IL5RA: variants seen among roughly 807,000 people sequenced by gnomAD.
IL5RA encodes the protein interleukin-5 receptor subunit alpha.
Under a neutral mutation model 50.0 loss-of-function variants are expected in IL5RA, and 49 were observed. The observed-to-expected ratio is 0.98, with a 90% CI of 0.78 to 1.24. The LOEUF (loss-of-function observed/expected upper bound fraction) is 1.24. Ranked by LOEUF, IL5RA falls within the 50% of genes most tolerant of loss-of-function variation. The pLI, the probability that IL5RA is intolerant of heterozygous loss-of-function variation, is 0.00. For synonymous variants in IL5RA, 202 were observed against 174.0 expected, an observed-to-expected ratio of 1.16 and a Z score of -1.26; for missense variants, 600 against 500.4, an observed-to-expected ratio of 1.20 and a Z score of -1.90.
chr3:3,074,271 T>C (rs1389596893), intron 11 of IL5RA, among the ~76,000 whole-genome samples: 2 of 152,198 alleles, frequency 1.3e-5, no homozygotes, highest in African/African-American at 4.8e-5. Context: ...TCTTAAAACA[T>C]TAGAGCTAAG....
chr3:3,094,687 G>A (rs997917905), intron 8 of IL5RA, among the ~76,000 whole-genome samples: 25 of 152,016 alleles, frequency 1.6e-4, no homozygotes, highest in African/African-American at 5.6e-4. Context: ...TCATCATATC[G>A]TTTTTATAGT....
At position 3,070,244 on chromosome 3, in the gene IL5RA, A is replaced by G; in HGVS notation, c.1244T>C (p.Leu415Pro). 1 of 1,612,250 alleles carries G rather than the reference A, an allele frequency of 6.2e-7. No homozygotes were observed. The highest frequency in any genetic ancestry group is 2.2e-5 in the East Asian group (1 of 44,836). ...CYIEKPGVET[L>P]EDSVF ...TGACAGTCAAAACACAGAATCCTCC[A>G]GGGTCTCAACTCCAGGCTTCTCTAT... The change falls in exon 12 of 12, where the codon CTG (leucine) becomes CCG (proline). Residue 415 changes from leucine to proline, a missense_variant. Transcript: ENST00000446632.
At chr3:3,101,905 AT>A (rs1186144997) in intron 4 of IL5RA, 75 bp from the exon 5 acceptor site, 2 of 1,315,606 alleles carry the variant, frequency 1.5e-6, no homozygotes, top group South Asian at 1.4e-5. Context: ...TCAAATATGC[AT>A]TTTCTTCTAC....
At chr3:3,106,303 T>C (rs973108046) in intron 2 of IL5RA, among the ~76,000 whole-genome samples, 1 of 152,302 alleles carries the variant, frequency 6.6e-6, no homozygotes, top group South Asian at 2.1e-4. Context: ...CTGGGCTAAA[T>C]GAATACCTCC....
At chr3:3,090,207 T>G (rs753985035) in intron 9 of IL5RA, 1 of 1,611,414 alleles carries the variant, frequency 6.2e-7, no homozygotes, top group Non-Finnish European at 8.5e-7. Context: ...TTATTTCAGA[T>G]ACGGTGTGGG....
chr3:3,096,289 A>AAAGAAGAAGAAG (rs5846242), intron 7 of IL5RA, among the ~76,000 whole-genome samples: 29 of 141,350 alleles, frequency 2.1e-4, no homozygotes, highest in African/African-American at 7.1e-4. Context: ...AAAAAAAAAA[A>AAAGAAGAAGAAG]AAGAAGAAGA....
intron 9 of IL5RA, among the ~76,000 whole-genome samples, chr3:3,083,797 C>T (rs1322846160): frequency 6.6e-6 from 1 of 152,158 alleles, no homozygotes; most frequent in Non-Finnish European, 1.5e-5. Flanking sequence ...GCCTGCAATC[C>T]CAGCACTTTG....
intron 9 of IL5RA, among the ~76,000 whole-genome samples, chr3:3,088,559 A>G (rs1418337149): frequency 6.6e-6 from 1 of 152,222 alleles, no homozygotes; most frequent in African/African-American, 2.4e-5. Flanking sequence ...ATGTTGGCAG[A>G]GCCGTAGCTA....
At chr3:3,074,250 G>GATAAGATAAAATAAGATA (rs1702401474) in intron 11 of IL5RA, among the ~76,000 whole-genome samples, 1 of 152,298 alleles carries the variant, frequency 6.6e-6, no homozygotes, top group East Asian at 1.9e-4. Flanking sequence ...TATTCATGTG[G>GATAAGATAAAATAAGATA]AAACATGGAG....
chr3:3,072,443 A>G (rs1156625135), intron 11 of IL5RA, among the ~76,000 whole-genome samples: 1 of 152,212 alleles, frequency 6.6e-6, no homozygotes, highest in Non-Finnish European at 1.5e-5. Flanking sequence ...TTGTTATTTT[A>G]CACACATGAC....
chr3:3,078,721 C>G (rs1239516031), intron 9 of IL5RA, among the ~76,000 whole-genome samples: 1 of 151,906 alleles, frequency 6.6e-6, no homozygotes, highest in Non-Finnish European at 1.5e-5. Context: ...GTAGTCCCAG[C>G]TACTCAGGAG....
In IL5RA at chr3:3,098,179, C is replaced by T. The variant is rs1438281690; in HGVS notation, c.479G>A (p.Gly160Asp). ...CTGCGTGTCCTCAGGGGCATCTGTG[C>T]CAACAAGCCAGGTGCAGTGAAGGGA... ...QVSLHCTWLV[G>D]TDAPEDTQYF... Residue 160 changes from glycine (G) to aspartate (D), a missense_variant, in exon 6 of 12, where the codon GGC (glycine) becomes GAC (aspartate). Transcript: ENST00000446632. 1.9e-6 allele frequency: 3 copies of T among 1,614,070 alleles called. No homozygotes were observed. The highest frequency in any genetic ancestry group is 2.5e-6 in the Non-Finnish European group (3 of 1,179,980).
rs1219479074 is a variant in IL5RA at position 3,092,627 on chromosome 3, T to G, written c.856-265A>C. Among the ~76,000 whole-genome samples, 2 of 152,238 alleles carry G rather than the reference T, an allele frequency of 1.3e-5. No homozygotes were observed. The highest frequency in any genetic ancestry group is 1.3e-4 in the Admixed American group (2 of 15,288). ...CCAGGTGTTCCTATCCAGGCCCAGC[T>G]GATGTTTCCAGACTGAAAGACTGGA... On this transcript the variant is annotated intron_variant, in intron 8 of 11. Coordinates refer to ENST00000446632, the MANE Select transcript of IL5RA (RefSeq NM_175726.4). This position sits in a 1 kb window ranked among gnomAD's most constrained non-coding sequence, Gnocchi z 4.2.
Position 3,098,111 on chromosome 3 carries a change from T to A in IL5RA, c.521+26A>T, listed in dbSNP as rs565944123. On this transcript the variant is annotated intron_variant, in intron 6 of 11. Coordinates refer to ENST00000446632, the MANE Select transcript of IL5RA (RefSeq NM_175726.4). ...AGGTTGCAGGAAACAACCATTTGCC[T>A]AAGTAAAAATAGGTACAGTACTAAC... The A allele has an allele frequency of 3.1e-6, 5 of 1,613,954 alleles. No homozygotes were observed. The African/African-American group carries it at 5.3e-5, about 17-fold the overall frequency.
At chr3:3,085,153 G>A (rs990999519) in intron 9 of IL5RA, among the ~76,000 whole-genome samples, 3 of 152,224 alleles carry the variant, frequency 2.0e-5, no homozygotes, top group African/African-American at 7.2e-5. Flanking sequence ...ACAAAAGGAA[G>A]CAGTGTGACC....
rs59813986 is a variant in IL5RA at position 3,069,630 on chromosome 3, T to TTCTC, written c.*591_*594dup. On this transcript the variant is annotated 3_prime_UTR_variant, in exon 12 of 12. Transcript: ENST00000446632. ...TCAGGCCTCTGGAGCTTGAGATAAT[T>TTCTC]TCTCTCTCTCTCTCTCTCTCTCTCT... is the stretch of plus-strand genomic sequence containing the variant. 0.027 allele frequency: 3,973 copies of TTCTC among 146,858 alleles called. 66 individuals are homozygous for TTCTC. The highest frequency in any genetic ancestry group is 0.038 in the Middle Eastern group (11 of 286). 9.1% of individuals were successfully genotyped at this position (146,858 alleles called of 1,614,324 possible).
intron 9 of IL5RA, among the ~76,000 whole-genome samples, chr3:3,079,230 A>T (rs532382714): frequency 5.3e-5 from 8 of 152,274 alleles, no homozygotes; most frequent in Middle Eastern, 6.8e-3. Flanking sequence ...GTCCTGCCTG[A>T]CACTCAGCTC....
chr3:3,090,170 T>C, intron 9 of IL5RA: 1 of 1,593,702 alleles, frequency 6.3e-7, no homozygotes, highest in Non-Finnish European at 8.6e-7. Context: ...AAAAAACACA[T>C]GTAATCTGCT....
Position 3,104,888 on chromosome 3 carries a change from A to G in IL5RA, c.82+15T>C, listed in dbSNP as rs892056171. ...TTAAAAATAAACATTATTGAATTGA[A>G]TAGAAGGTCCTTACTCTTTTCATCA... On this transcript the variant is annotated intron_variant, in intron 3 of 11. Transcript: ENST00000446632. 1 of 1,512,872 alleles carries G rather than the reference A, an allele frequency of 6.6e-7. No homozygotes were observed. Among genetic ancestry groups the G allele is most frequent in the Non-Finnish European group, 9.2e-7 (1 of 1,090,592 alleles). 93.7% of individuals were successfully genotyped at this position (1,512,872 alleles called of 1,614,324 possible). A position where few individuals can be genotyped will look rare whatever the true frequency, so the allele number is the denominator to read the frequency against.
Sources: gnomAD v4.1 joint callset for allele counts (sites outside exome capture counted in the v4.1 genomes callset) on GRCh38, gnomAD v4.1.1 for gene constraint, Gnocchi (gnomAD v3.1) non-coding constraint, MANE v1.5 for transcripts, NCBI Gene and HGNC (gene_info 2026-07-23, HGNC 2026-07-21) for gene names.